The following GALNT2 variants were observed in gnomAD, a reference collection of about 807,000 sequenced individuals.
GALNT2 encodes UDP-GalNAc:polypeptide N-acetylgalactosaminyltransferase 2.
In GALNT2, 31 loss-of-function variants were observed where a neutral mutation model predicts 81.4. The observed-to-expected ratio is 0.38, with a 90% CI of 0.29 to 0.51. The LOEUF (loss-of-function observed/expected upper bound fraction) is 0.51. Among genes scored for constraint, GALNT2 ranks in the 20% least tolerant of loss-of-function variants. The probability of loss-of-function intolerance (pLI) is 0.87; values close to 1 mark genes in which losing one functional copy is unlikely to be tolerated. For synonymous variants in GALNT2, 303 were observed against 287.4 expected, an observed-to-expected ratio of 1.05 and a Z score of -0.55; for missense variants, 629 against 765.7, an observed-to-expected ratio of 0.82 and a Z score of 2.11.
At chr1:230,278,292 T>C (rs60064487) in intron 15 of GALNT2, among the ~76,000 whole-genome samples, 1 of 151,036 alleles carries the variant, frequency 6.6e-6, no homozygotes, top group Non-Finnish European at 1.5e-5. Flanking sequence ...TAATTTTTTT[T>C]AAAAAAAATG....
chr1:230,076,575 T>C (rs1480409726), intron 1 of GALNT2, among the ~76,000 whole-genome samples: 1 of 152,176 alleles, frequency 6.6e-6, no homozygotes, highest in African/African-American at 2.4e-5. Context: ...TGATAGATAG[T>C]ATTGTACTTG....
intron 1 of GALNT2, among the ~76,000 whole-genome samples, chr1:230,068,110 T>G (rs771866018): frequency 1.3e-5 from 2 of 152,234 alleles, no homozygotes; most frequent in Admixed American, 1.3e-4. Flanking sequence ...GGACGTGGCC[T>G]CCTGCGCTTG....
At chr1:230,072,707 G>A (rs553084583) in intron 1 of GALNT2, among the ~76,000 whole-genome samples, 1 of 152,304 alleles carries the variant, frequency 6.6e-6, no homozygotes, top group Admixed American at 6.5e-5. Context: ...TTCCATGCTG[G>A]TTGTTAAATA....
intron 2 of GALNT2, among the ~76,000 whole-genome samples, chr1:230,180,297 T>A (rs1253732212): frequency 5.9e-5 from 3 of 50,502 alleles, no homozygotes; most frequent in Non-Finnish European, 1.2e-4. Flanking sequence ...GTCTAGGTTC[T>A]TTTTTTTTTT....
At chr1:230,216,729 G>A (rs1664400329) in intron 3 of GALNT2, among the ~76,000 whole-genome samples, 3 of 151,988 alleles carry the variant, frequency 2.0e-5, no homozygotes, top group South Asian at 4.2e-4. Flanking sequence ...TGCCTGGCCT[G>A]TACTCTGGAG....
chr1:230,118,311 A>G (rs1660909750), intron 1 of GALNT2, among the ~76,000 whole-genome samples: 1 of 152,232 alleles, frequency 6.6e-6, no homozygotes, highest in African/African-American at 2.4e-5. Context: ...TGTTAGGAAC[A>G]TTTGTATGCA....
intron 1 of GALNT2, among the ~76,000 whole-genome samples, chr1:230,061,256 C>G (rs544628518): frequency 1.1e-4 from 17 of 151,736 alleles, no homozygotes; most frequent in Non-Finnish European, 2.4e-4. Context: ...ATACCGCTAT[C>G]TCTAATTACA....
intron 1 of GALNT2, among the ~76,000 whole-genome samples, chr1:230,145,741 G>C (rs1462669775): frequency 6.6e-6 from 1 of 152,212 alleles, no homozygotes; most frequent in East Asian, 1.9e-4. Context: ...CGTCAGGCAG[G>C]CCCAGAACGT....
chr1:230,165,220 G>T (rs1662564669), intron 1 of GALNT2, among the ~76,000 whole-genome samples: 1 of 152,104 alleles, frequency 6.6e-6, no homozygotes, highest in East Asian at 1.9e-4. Flanking sequence ...AATCCATATG[G>T]ATACAGATTT....
rs57593014 is a variant in GALNT2 at position 230,135,860 on chromosome 1, A to AT, written c.127-42344dup. 0.022 allele frequency among the ~76,000 whole-genome samples: 3,070 copies of AT among 140,244 alleles called. 299 individuals are homozygous for AT. In the East Asian group the frequency reaches 0.32, roughly 15 times the overall value. 92.0% of individuals were successfully genotyped at this position (140,244 alleles called of 152,430 possible). A position where few individuals can be genotyped will look rare whatever the true frequency, so the allele number is the denominator to read the frequency against. On this transcript the variant is annotated intron_variant, in intron 1 of 15. Coordinates refer to ENST00000366672, the MANE Select transcript of GALNT2 (RefSeq NM_004481.5). ...ACCACCACGCCTGGCTAACTTTTTC[A>AT]TTTTTTTTTTTTTTATAGATGGGGG... is the stretch of plus-strand genomic sequence containing the variant.
chr1:230,204,677 TA>T (rs1463834158), intron 3 of GALNT2, among the ~76,000 whole-genome samples: 1 of 152,188 alleles, frequency 6.6e-6, no homozygotes, highest in African/African-American at 2.4e-5. Context: ...CTCAGTGAAT[TA>T]GTCTTGTTTC....
intron 1 of GALNT2, among the ~76,000 whole-genome samples, chr1:230,173,243 C>T (rs775118788): frequency 3.3e-5 from 5 of 152,114 alleles, no homozygotes; most frequent in African/African-American, 4.8e-5. Context: ...CCAGAGGCTG[C>T]GTGTGGATGC....
intron 2 of GALNT2, among the ~76,000 whole-genome samples, chr1:230,178,779 C>T: frequency 6.6e-6 from 1 of 151,966 alleles, no homozygotes; most frequent in East Asian, 1.9e-4. Context: ...TCATCATCAC[C>T]CGAAGTCTGT....
At chr1:230,061,382 A>T (rs1018899267) in intron 1 of GALNT2, among the ~76,000 whole-genome samples, 15 of 152,266 alleles carry the variant, frequency 9.9e-5, no homozygotes, top group Admixed American at 9.8e-4. Context: ...GCTCAATTGC[A>T]TACCATGCAT....
At chr1:230,090,952 C>T (rs1203392149) in intron 1 of GALNT2, among the ~76,000 whole-genome samples, 1 of 152,154 alleles carries the variant, frequency 6.6e-6, no homozygotes, top group African/African-American at 2.4e-5. Context: ...TTACATGCAT[C>T]AGAATTGTAA....
intron 1 of GALNT2, among the ~76,000 whole-genome samples, chr1:230,112,731 C>T (rs1163402454): frequency 6.8e-6 from 1 of 147,974 alleles, no homozygotes; most frequent in East Asian, 2.0e-4. Context: ...TGCGGAGATT[C>T]CTGCTCTGCA....
intron 1 of GALNT2, among the ~76,000 whole-genome samples, chr1:230,172,939 G>T (rs1662842152): frequency 6.6e-6 from 1 of 152,194 alleles, no homozygotes; most frequent in African/African-American, 2.4e-5. Flanking sequence ...ATTATGGCAG[G>T]TAAGTAGACG....
At chr1:230,078,582 C>A (rs1286136832) in intron 1 of GALNT2, among the ~76,000 whole-genome samples, 3 of 152,152 alleles carry the variant, frequency 2.0e-5, no homozygotes, top group Non-Finnish European at 4.4e-5. Flanking sequence ...CACGTTAGAT[C>A]CTGACTTAGT....
intron 1 of GALNT2, among the ~76,000 whole-genome samples, chr1:230,170,483 T>TA (rs1662756090): frequency 6.6e-6 from 1 of 152,248 alleles, no homozygotes; most frequent in South Asian, 2.1e-4. Context: ...AATGCATAGA[T>TA]ACCAGTGTTT....
Sources: gnomAD v4.1 joint callset for allele counts (sites outside exome capture counted in the v4.1 genomes callset) on GRCh38, gnomAD v4.1.1 for gene constraint, MANE v1.5 for transcripts, NCBI Gene and HGNC (gene_info 2026-07-23, HGNC 2026-07-21) for gene names.